SCAPER: variants seen among roughly 807,000 people sequenced by gnomAD.
SCAPER encodes the protein S-phase cyclin A associated protein in the ER.
A neutral mutation model predicts 182.2 loss-of-function variants in SCAPER; 98 were observed. The ratio of observed to expected loss-of-function variants is 0.54; its 90% CI spans 0.46 to 0.64. The LOEUF is 0.64. Ranked by LOEUF, SCAPER falls within the 30% of genes least tolerant of loss-of-function variation. The pLI is 0.00. For missense variants in SCAPER, 1,432 were observed against 1,690.0 expected, an observed-to-expected ratio of 0.85 and a Z score of 2.68; for synonymous variants, 605 against 564.6, an observed-to-expected ratio of 1.07 and a Z score of -1.01.
At chr15:76,895,613 T>A (rs1300606357) in intron 1 of SCAPER, among the ~76,000 whole-genome samples, 1 of 151,404 alleles carries the variant, frequency 6.6e-6, no homozygotes, top group Admixed American at 6.6e-5. Context: ...ATACAGAAAA[T>A]CCTAAAAGCT....
Position 76,486,557 on chromosome 15 carries a change from C to T in SCAPER, c.2955-15222G>A, listed in dbSNP as rs969426762. 6.6e-5 allele frequency among the ~76,000 whole-genome samples: 10 copies of T among 151,940 alleles called. No homozygotes were observed. In the East Asian group the frequency reaches 1.9e-3, roughly 29 times the overall value. On this transcript the variant is annotated intron_variant, in intron 24 of 31. Transcript: ENST00000563290. Reference sequence around the variant, plus strand: ...AAAAGTAGGCGAAGGACATAATAGACACTTTTCTAAAGATGACATACATGC... The same window carrying T: ...AAAAGTAGGCGAAGGACATAATAGATACTTTTCTAAAGATGACATACATGC...
chr15:76,759,117 T>C (rs998495907), intron 14 of SCAPER, among the ~76,000 whole-genome samples: 2 of 152,156 alleles, frequency 1.3e-5, no homozygotes, highest in African/African-American at 2.4e-5. Context: ...TGGAGAGAAA[T>C]GGTAAAAGTG....
chr15:76,544,073 T>C (rs1294038066), intron 23 of SCAPER, among the ~76,000 whole-genome samples: 1 of 152,104 alleles, frequency 6.6e-6, no homozygotes, highest in Non-Finnish European at 1.5e-5. Context: ...GAAATGTATA[T>C]GAAAAGATAC....
chr15:76,766,857 A>T, intron 11 of SCAPER, 61 bp downstream of exon 11: 1 of 1,404,862 alleles, frequency 7.1e-7, no homozygotes, highest in Non-Finnish European at 9.6e-7. Flanking sequence ...TTTCTGGCCC[A>T]GATAATTTTG....
chr15:76,805,036 C>T (rs774837939), intron 5 of SCAPER, among the ~76,000 whole-genome samples: 3 of 152,082 alleles, frequency 2.0e-5, no homozygotes, highest in Non-Finnish European at 4.4e-5. Flanking sequence ...TAATAAGATG[C>T]CATCTTTAAA....
intron 29 of SCAPER, among the ~76,000 whole-genome samples, chr15:76,366,559 G>A (rs1422710311): frequency 1.3e-5 from 2 of 152,134 alleles, no homozygotes; most frequent in African/African-American, 4.8e-5. Context: ...TCTAAGTATA[G>A]TAGGATAAGG....
At chr15:76,731,901 T>G (rs2151044454) in intron 16 of SCAPER, among the ~76,000 whole-genome samples, 1 of 152,312 alleles carries the variant, frequency 6.6e-6, no homozygotes, top group South Asian at 2.1e-4. Flanking sequence ...GAGTCATCAT[T>G]TTTAAACGAA....
chr15:76,402,991 C>G (rs2044572551), intron 27 of SCAPER, among the ~76,000 whole-genome samples: 2 of 152,082 alleles, frequency 1.3e-5, no homozygotes, highest in Admixed American at 1.3e-4. Flanking sequence ...CAATCACATA[C>G]GGAAATGCTT....
chr15:76,632,947 G>A (rs1227427329), intron 21 of SCAPER, among the ~76,000 whole-genome samples: 1 of 151,700 alleles, frequency 6.6e-6, no homozygotes, highest in Non-Finnish European at 1.5e-5. Context: ...GCTCAATTTT[G>A]TATTTTTAAT....
At chr15:76,449,163 T>C (rs955062001) in intron 25 of SCAPER, among the ~76,000 whole-genome samples, 5 of 152,218 alleles carry the variant, frequency 3.3e-5, no homozygotes, top group African/African-American at 1.2e-4. Flanking sequence ...TTTATTTTTC[T>C]ATAAAGGCCT....
intron 5 of SCAPER, among the ~76,000 whole-genome samples, chr15:76,813,483 A>G (rs897493232): frequency 2.6e-5 from 4 of 152,044 alleles, no homozygotes; most frequent in Admixed American, 2.6e-4. Context: ...AGAAAGAAAC[A>G]AAAGGCATTC....
At chr15:76,792,034 C>CA (rs529260582) in intron 8 of SCAPER, among the ~76,000 whole-genome samples, 296 of 94,886 alleles carry the variant, frequency 3.1e-3, no homozygotes, top group Middle Eastern at 0.013. Context: ...TCTTGCCAGA[C>CA]AAAAAAAAAA....
intron 22 of SCAPER, among the ~76,000 whole-genome samples, chr15:76,585,713 T>G (rs2048602388): frequency 6.6e-6 from 1 of 152,124 alleles, no homozygotes; most frequent in African/African-American, 2.4e-5. Context: ...AGGGGATGCT[T>G]TGGTAATTTG....
At chr15:76,828,788 C>A (rs1341610742) in intron 5 of SCAPER, among the ~76,000 whole-genome samples, 3 of 152,200 alleles carry the variant, frequency 2.0e-5, no homozygotes, top group African/African-American at 7.2e-5. Flanking sequence ...CTATCCTTGT[C>A]CTGAATCTCA....
At chr15:76,537,543 C>T (rs1696866777) in intron 23 of SCAPER, among the ~76,000 whole-genome samples, 1 of 152,054 alleles carries the variant, frequency 6.6e-6, no homozygotes, top group South Asian at 2.1e-4. Context: ...GGATCCCTTC[C>T]TTACACCTTA....
At chr15:76,772,345 G>A (rs562698850) in intron 9 of SCAPER, among the ~76,000 whole-genome samples, 1 of 152,010 alleles carries the variant, frequency 6.6e-6, no homozygotes, top group South Asian at 2.1e-4. Context: ...ATGGTCTTTT[G>A]CAAAGACTGT....
chr15:76,596,831 T>C lies in SCAPER; in HGVS notation c.2712-22547A>G. On this transcript the variant is annotated intron_variant, in intron 22 of 31. Coordinates refer to ENST00000563290, the MANE Select transcript of SCAPER (RefSeq NM_020843.4). ...ATCTCAAAATAATAAGAGCTATTTA[T>C]GACAAACCCACAGCCAACATCATAC... Among the ~76,000 whole-genome samples the C allele has an allele frequency of 1.6e-5, 2 of 121,864 alleles. 1 individual carries two copies. Among genetic ancestry groups the C allele is most frequent in the Non-Finnish European group, 4.0e-5 (2 of 50,224 alleles). The allele number at this position is 121,864 out of a possible 152,430, so 79.9% of individuals were successfully genotyped here.
intron 20 of SCAPER, among the ~76,000 whole-genome samples, chr15:76,688,022 T>C (rs2058128432): frequency 6.6e-6 from 1 of 152,222 alleles, no homozygotes; most frequent in East Asian, 1.9e-4. Flanking sequence ...CCACACTGTC[T>C]TCTGCAATGG....
intron 10 of SCAPER, 78 bp from the exon 11 acceptor site, chr15:76,767,166 T>C: frequency 7.8e-7 from 1 of 1,286,320 alleles, no homozygotes; most frequent in South Asian, 1.4e-5. Flanking sequence ...TGTTCTAACA[T>C]GAACTCAACA....
Sources: gnomAD v4.1 joint callset for allele counts (sites outside exome capture counted in the v4.1 genomes callset) on GRCh38, gnomAD v4.1.1 for gene constraint, MANE v1.5 for transcripts, NCBI Gene and HGNC (gene_info 2026-07-23, HGNC 2026-07-21) for gene names.